Variants in CLSTN1 observed in about 807,000 individuals in gnomAD.
CLSTN1 encodes calsyntenin-1.
CLSTN1 carries 28 observed loss-of-function variants against 108.3 expected under a neutral mutation model. The ratio of observed to expected loss-of-function variants is 0.26; its 90% CI spans 0.19 to 0.35. The LOEUF (loss-of-function observed/expected upper bound fraction) is 0.35, where lower values mean the gene tolerates loss of function less well. Ranked by LOEUF, CLSTN1 falls within the 10% of genes least tolerant of loss-of-function variation. The pLI is 1.00. For synonymous variants in CLSTN1, 524 were observed against 534.9 expected (o/e 0.98, Z 0.28); for missense variants, 1,157 against 1,302.6 (o/e 0.89, Z 1.72).
chr1:9,749,490 T>G lies in CLSTN1; in HGVS notation c.956A>C (p.Tyr319Ser). The G allele has an allele frequency of 8.7e-6, 14 of 1,613,608 alleles. No homozygotes were observed. Among genetic ancestry groups the G allele is most frequent in the Non-Finnish European group, 1.2e-5 (14 of 1,179,894 alleles). ...HIGKGCDRDTYSEKSLHRLCG... is the reference protein window; with the variant it reads ...HIGKGCDRDTSSEKSLHRLCG... ...GAGCCGGTGGAGGGACTTCTCTGAG[T>G]AGGTGTCTCGGTCGCAGCCTTTCCC... The change falls in exon 7 of 19, where the codon TAC becomes TCC. Residue 319 changes from tyrosine to serine, a missense_variant. Coordinates refer to ENST00000377298, the MANE Select transcript of CLSTN1 (RefSeq NM_001009566.3).
At chr1:9,772,063 G>A (rs1209716189) in intron 2 of CLSTN1, among the ~76,000 whole-genome samples, 5 of 138,158 alleles carry the variant, frequency 3.6e-5, no homozygotes, top group Non-Finnish European at 7.7e-5. Flanking sequence ...TGCAAGCTCC[G>A]CCTCCTGGGT....
At chr1:9,733,924 C>G (rs770619388) in intron 15 of CLSTN1, 48 bp downstream of exon 15, 1 of 1,556,508 alleles carries the variant, frequency 6.4e-7, no homozygotes, top group Non-Finnish European at 8.7e-7. Context: ...CTCTCAAAGT[C>G]CCCTCTTGCA....
chr1:9,766,835 G>A (rs778648752), intron 2 of CLSTN1, among the ~76,000 whole-genome samples: 1 of 152,154 alleles, frequency 6.6e-6, no homozygotes, highest in Admixed American at 6.5e-5. Flanking sequence ...GAAACAATCC[G>A]GGCGAGACTG....
intron 1 of CLSTN1, among the ~76,000 whole-genome samples, chr1:9,790,440 T>A (rs148057793): frequency 6.8e-6 from 1 of 147,340 alleles, no homozygotes. Context: ...TTATTGACTG[T>A]CAAATGTTGA....
chr1:9,729,230 G>GCAGT lies in CLSTN1; in HGVS notation c.*1274_*1277dup, dbSNP rs761164400. ...ACAGCCACCAGTGTCCTCAGAACTA[G>GCAGT]CAGTCAGGGTCACAGAACAGTATTC... On this transcript the variant is annotated 3_prime_UTR_variant, in exon 19 of 19. Transcript: ENST00000377298. 2.6e-5 allele frequency: 4 copies of GCAGT among 152,366 alleles called. No homozygotes were observed. The highest frequency in any genetic ancestry group is 5.9e-5 in the Non-Finnish European group (4 of 68,048). 9.4% of individuals were successfully genotyped at this position (152,366 alleles called of 1,614,324 possible).
In CLSTN1 at chr1:9,823,849, G is replaced by A. The variant is rs1570537220; in HGVS notation, c.-116C>T. 1 of 404,902 alleles carries A rather than the reference G, an allele frequency of 2.5e-6. No individual in the cohort carries two copies. The highest frequency in any genetic ancestry group is 3.4e-6 in the Non-Finnish European group (1 of 296,114). 25.1% of individuals were successfully genotyped at this position (404,902 alleles called of 1,614,324 possible). A position where few individuals can be genotyped will look rare whatever the true frequency, so the allele number is the denominator to read the frequency against. On this transcript the variant is annotated 5_prime_UTR_variant, in exon 1 of 19. Coordinates refer to ENST00000377298, the MANE Select transcript of CLSTN1 (RefSeq NM_001009566.3). This position sits in a 1 kb window ranked among gnomAD's most constrained non-coding sequence, Gnocchi z 6.3. ...TGCTCCGCGGCGCGGGGAGCTCCGG[G>A]GGTCCAAGGAGGAGCCGCCGCCGCC... is the stretch of plus-strand genomic sequence containing the variant.
chr1:9,739,002 G>GA (rs1321630504), intron 10 of CLSTN1, among the ~76,000 whole-genome samples: 1 of 152,074 alleles, frequency 6.6e-6, no homozygotes, highest in Non-Finnish European at 1.5e-5. Flanking sequence ...TCCATAGGGA[G>GA]AAAAAACTAA....
rs773071778 is a variant in CLSTN1 at position 9,749,735 on chromosome 1, G to A, written c.799+29C>T. On this transcript the variant is annotated intron_variant, in intron 6 of 18. Coordinates refer to ENST00000377298, the MANE Select transcript of CLSTN1 (RefSeq NM_001009566.3). The stretch of plus-strand genomic sequence containing the variant: ...GCATACATCAGTTTTAAGAGCAGAT[G>A]TGAGCGCAGGGGAGAGAATGAAGCT... 1.9e-6 allele frequency: 3 copies of A among 1,613,046 alleles called. No homozygotes were observed. In the South Asian group the frequency reaches 3.3e-5, roughly 18 times the overall value.
intron 1 of CLSTN1, among the ~76,000 whole-genome samples, chr1:9,785,237 G>A (rs917894845): frequency 6.6e-6 from 1 of 151,950 alleles, no homozygotes; most frequent in African/African-American, 2.4e-5. Flanking sequence ...CAAACTCCTG[G>A]CCTCAAGTGA....
intron 1 of CLSTN1, among the ~76,000 whole-genome samples, chr1:9,810,760 G>A (rs1325947992): frequency 6.6e-6 from 1 of 152,028 alleles, no homozygotes; most frequent in Non-Finnish European, 1.5e-5. Context: ...GGGCGACACA[G>A]TGAGACCCCA....
chr1:9,740,976 A>C, intron 10 of CLSTN1, 118 bp downstream of exon 10: 2 of 1,155,006 alleles, frequency 1.7e-6, no homozygotes, highest in Non-Finnish European at 2.5e-6. Flanking sequence ...AAATGGAAGG[A>C]AAAGATCCAG....
At chr1:9,731,143 G>A (rs759222759) in intron 18 of CLSTN1, 63 bp downstream of exon 18, 103 of 1,594,066 alleles carry the variant, frequency 6.5e-5, no homozygotes, top group Non-Finnish European at 7.9e-5. Flanking sequence ...GCGCCGTACC[G>A]GCTTCTCGGA....
chr1:9,741,896 A>G (rs995218815), intron 9 of CLSTN1, among the ~76,000 whole-genome samples: 1 of 152,202 alleles, frequency 6.6e-6, no homozygotes, highest in Non-Finnish European at 1.5e-5. Context: ...TGGGTGACAG[A>G]GCAAGACTCT....
chr1:9,754,970 C>G (rs1185968823), intron 4 of CLSTN1, 144 bp downstream of exon 4: 34 of 616,874 alleles, frequency 5.5e-5, no homozygotes, highest in Non-Finnish European at 3.6e-5. Flanking sequence ...CAAGTGTTTA[C>G]AATCTAATTG....
In CLSTN1 at chr1:9,735,893, C is replaced by T. The variant is rs765173165; in HGVS notation, c.1726G>A (p.Gly576Ser). The T allele has an allele frequency of 1.2e-6, 2 of 1,614,120 alleles. No individual in the cohort carries two copies. The highest frequency in any genetic ancestry group is 4.5e-5 in the East Asian group (2 of 44,882). The change falls in exon 12 of 19, where the codon GGC becomes AGC. Residue 576 changes from glycine to serine, a missense_variant. Physicochemically the swap from Gly to Ser is moderately conservative, Grantham distance 56. Coordinates refer to ENST00000377298, the MANE Select transcript of CLSTN1 (RefSeq NM_001009566.3). ...CGAGCGCTCGGTGTTACCTGCACGCCTCTGCCACTGTCTTCGAGGACCTGC... is the reference window on the plus strand; with the variant it reads ...CGAGCGCTCGGTGTTACCTGCACGCTTCTGCCACTGTCTTCGAGGACCTGC... ...DLQVLEDSGR[G>S]VQIQAHPSQL...
chr1:9,810,512 C>T (rs920770689), intron 1 of CLSTN1, among the ~76,000 whole-genome samples: 3 of 151,152 alleles, frequency 2.0e-5, no homozygotes, highest in Non-Finnish European at 4.4e-5. Context: ...CACTAGCTCA[C>T]GCCTGTAATC....
At position 9,744,419 on chromosome 1, in the gene CLSTN1, T is replaced by C. The variant is rs372662099; in HGVS notation, c.1210A>G (p.Ile404Val). 39 of 1,610,324 alleles carry C rather than the reference T, an allele frequency of 2.4e-5. No homozygotes were observed. The highest frequency in any genetic ancestry group is 2.7e-5 in the Non-Finnish European group (32 of 1,179,886). The change falls in exon 8 of 19, where the codon ATT (isoleucine) becomes GTT (valine). Residue 404 changes from isoleucine (I) to valine (V), a missense_variant. Coordinates refer to ENST00000377298, the MANE Select transcript of CLSTN1 (RefSeq NM_001009566.3). ...HGPFGRKKET[I>V]LCSSDKTDMN... ...CCTGTTTTATCAGAACTGCAAAGAA[T>C]TGTCTCCTTCTTCCTGCCGAATGGC... is the stretch of plus-strand genomic sequence containing the variant.
intron 1 of CLSTN1, among the ~76,000 whole-genome samples, chr1:9,775,346 G>A (rs1194190056): frequency 6.6e-6 from 1 of 151,834 alleles, no homozygotes; most frequent in African/African-American, 2.4e-5. Context: ...CCCTCCTCTC[G>A]GTGATGGCCC....
At chr1:9,776,775 T>A (rs964543624) in intron 1 of CLSTN1, among the ~76,000 whole-genome samples, 27 of 151,874 alleles carry the variant, frequency 1.8e-4, no homozygotes, top group African/African-American at 6.6e-4. Context: ...TATCCATCCA[T>A]CCACCCACCT....
Sources: gnomAD v4.1 joint callset for allele counts (sites outside exome capture counted in the v4.1 genomes callset) on GRCh38, gnomAD v4.1.1 for gene constraint, Gnocchi (gnomAD v3.1) non-coding constraint, MANE v1.5 for transcripts, NCBI Gene and HGNC (gene_info 2026-07-23, HGNC 2026-07-21) for gene names.